The following FSTL1 variants were observed in gnomAD, a reference collection of about 807,000 sequenced individuals.
The protein encoded by FSTL1 is follistatin like 1, also known as follistatin-related protein 1.
In FSTL1, 24 loss-of-function variants were observed where a neutral mutation model predicts 45.9. The observed-to-expected ratio is 0.52, with a 90% CI of 0.38 to 0.74. FSTL1 has a LOEUF of 0.74. FSTL1 is among the 30% of genes least tolerant of loss of function. The pLI is 0.00. For missense variants in FSTL1, 340 were observed against 381.8 expected, an observed-to-expected ratio of 0.89 and a Z score of 0.91; for synonymous variants, 120 against 137.6, an observed-to-expected ratio of 0.87 and a Z score of 0.89.
chr3:120,436,550 T>A (rs966164383), intron 2 of FSTL1, among the ~76,000 whole-genome samples: 7 of 152,234 alleles, frequency 4.6e-5, no homozygotes, highest in Non-Finnish European at 7.3e-5. Flanking sequence ...AAAGTGAATG[T>A]CTTTCTCCTT....
chr3:120,403,983 C>CAAAACAAAACAACAACAACAACAACAAA (rs1936896535), intron 7 of FSTL1, among the ~76,000 whole-genome samples: 1 of 74,054 alleles, frequency 1.4e-5, no homozygotes, highest in Non-Finnish European at 2.9e-5. Context: ...CAAAAAAAAA[C>CAAAACAAAACAACAACAACAACAACAAA]AAAAAACAAA....
At chr3:120,414,428 C>T (rs1396360470) in intron 3 of FSTL1, among the ~76,000 whole-genome samples, 5 of 151,386 alleles carry the variant, frequency 3.3e-5, no homozygotes, top group Admixed American at 6.6e-5. Context: ...CGCCTCTGCC[C>T]GGCCGCCCCT....
chr3:120,399,786 A>G, intron 10 of FSTL1, 97 bp downstream of exon 10: 1 of 750,940 alleles, frequency 1.3e-6, no homozygotes, highest in South Asian at 1.5e-5. Flanking sequence ...GAGCAGAGAG[A>G]GCCTCCTTGG....
chr3:120,415,693 A>G (rs1937175638), intron 3 of FSTL1: 2 of 460,784 alleles, frequency 4.3e-6, no homozygotes, highest in Admixed American at 3.7e-5. Context: ...ATATAAAACA[A>G]TTCTTATTTT....
At chr3:120,403,000 C>CT in intron 8 of FSTL1, 82 bp from the exon 9 acceptor site, 1 of 941,148 alleles carries the variant, frequency 1.1e-6, no homozygotes. Context: ...GCACCTTACC[C>CT]TTTTTTCCCA....
At position 120,411,001 on chromosome 3, in the gene FSTL1, G is replaced by A. The variant is rs1037492835; in HGVS notation, c.299-17C>T. On this transcript the variant is annotated splice_polypyrimidine_tract_variant and intron_variant, in intron 4 of 10. Coordinates refer to ENST00000295633, the MANE Select transcript of FSTL1 (RefSeq NM_007085.5). ...ATTTCTTCTCTGCAAGACAAAAAGA[G>A]AAAACGTGTAATGCGAAGTGAAGGA... 1 of 1,597,210 alleles carries A rather than the reference G, an allele frequency of 6.3e-7. No homozygotes were observed. Among genetic ancestry groups the A allele is most frequent in the African/African-American group, 1.3e-5 (1 of 74,150 alleles).
chr3:120,413,052 T>A (rs1219084759), intron 3 of FSTL1, among the ~76,000 whole-genome samples: 2 of 152,210 alleles, frequency 1.3e-5, no homozygotes, highest in African/African-American at 2.4e-5. Context: ...AAAGTTCATA[T>A]GGCAACTAGG....
At chr3:120,448,890 C>A (rs1193858333) in intron 2 of FSTL1, among the ~76,000 whole-genome samples, 1 of 152,188 alleles carries the variant, frequency 6.6e-6, no homozygotes, top group Admixed American at 6.6e-5. Flanking sequence ...CAACAGCCTC[C>A]TCACACCTCA....
chr3:120,436,059 T>C (rs574818686), intron 2 of FSTL1, among the ~76,000 whole-genome samples: 1 of 94,438 alleles, frequency 1.1e-5, no homozygotes, highest in African/African-American at 2.7e-5. Context: ...CAGTTTATTT[T>C]TGTAAAAAAA....
intron 2 of FSTL1, among the ~76,000 whole-genome samples, chr3:120,429,934 T>C (rs1334930584): frequency 6.6e-6 from 1 of 152,190 alleles, no homozygotes. Context: ...AGTGGGATCA[T>C]TCCACAGCAG....
intron 2 of FSTL1, among the ~76,000 whole-genome samples, chr3:120,417,581 G>A (rs1368334608): frequency 6.6e-6 from 1 of 152,212 alleles, no homozygotes; most frequent in Non-Finnish European, 1.5e-5. Flanking sequence ...GCGGGGATTG[G>A]AGAGCTTTTG....
chr3:120,407,420 G>T (rs181238331), intron 6 of FSTL1, among the ~76,000 whole-genome samples: 2 of 152,356 alleles, frequency 1.3e-5, no homozygotes, highest in East Asian at 3.9e-4. Context: ...AATTCCAAGA[G>T]CATGGAAGGC....
intron 6 of FSTL1, among the ~76,000 whole-genome samples, chr3:120,409,031 T>C (rs1937000229): frequency 6.6e-6 from 1 of 152,200 alleles, no homozygotes; most frequent in Non-Finnish European, 1.5e-5. Context: ...AACAGCAATA[T>C]CTAAGTTCAG....
At chr3:120,450,001 A>G (rs1205429308) in intron 2 of FSTL1, among the ~76,000 whole-genome samples, 1 of 150,134 alleles carries the variant, frequency 6.7e-6, no homozygotes, top group Non-Finnish European at 1.5e-5. Flanking sequence ...GTAGTGTCTC[A>G]GGAAGGTCGT....
In FSTL1 at chr3:120,419,965, C is replaced by T. The variant is rs571863838; in HGVS notation, c.64-3938G>A. Among the ~76,000 whole-genome samples, 19 of 152,216 alleles carry T rather than the reference C, an allele frequency of 1.2e-4. No homozygotes were observed. The South Asian group carries it at 2.9e-3, about 23-fold the overall frequency. On this transcript the variant is annotated intron_variant, in intron 2 of 10. Transcript: ENST00000295633. Reference sequence around the variant, plus strand: ...TCCCATGTAACAGATGCAGAGGCATCGGAGAGTCAGGAAAGCTCTGTGACG... The same window carrying T: ...TCCCATGTAACAGATGCAGAGGCATTGGAGAGTCAGGAAAGCTCTGTGACG...
At chr3:120,403,404 A>G in intron 7 of FSTL1, 50 bp from the exon 8 acceptor site, 1 of 1,139,624 alleles carries the variant, frequency 8.8e-7, no homozygotes, top group Non-Finnish European at 1.3e-6. Flanking sequence ...AGCTTCGCTC[A>G]GAAGAAAGGA....
intron 2 of FSTL1, among the ~76,000 whole-genome samples, chr3:120,429,929 G>A (rs1399194711): frequency 6.6e-6 from 1 of 152,174 alleles, no homozygotes. Context: ...AGTGGAGTGG[G>A]ATCATTCCAC....
At chr3:120,423,172 C>T (rs546069765) in intron 2 of FSTL1, 12 of 152,228 alleles carry the variant, frequency 7.9e-5, no homozygotes, top group African/African-American at 2.9e-4. Context: ...TATTATTTTA[C>T]AGATTCTGTC....
intron 2 of FSTL1, among the ~76,000 whole-genome samples, chr3:120,445,507 G>C (rs893693495): frequency 1.3e-5 from 2 of 148,978 alleles, no homozygotes; most frequent in Non-Finnish European, 2.9e-5. Context: ...TTTCCTGTAT[G>C]TAACTTCATG....
Sources: allele counts gnomAD v4.1 joint callset (sites outside exome capture counted in the v4.1 genomes callset), GRCh38; gene constraint gnomAD v4.1.1; transcripts MANE v1.5; gene names NCBI Gene and HGNC (gene_info 2026-07-23, HGNC 2026-07-21).